The following CPSF4L variants were observed in gnomAD, a reference collection of about 807,000 sequenced individuals.
CPSF4L encodes the protein putative cleavage and polyadenylation specificity factor subunit 4-like protein.
CPSF4L carries 18 observed loss-of-function variants against 24.0 expected under a neutral mutation model. That is an observed-to-expected ratio of 0.75 (90% CI 0.52 to 1.11). The LOEUF (loss-of-function observed/expected upper bound fraction) is 1.11. CPSF4L is among the 50% of genes least tolerant of loss of function. The probability of loss-of-function intolerance (pLI) is 0.00; values close to 1 mark genes in which losing one functional copy is unlikely to be tolerated. For missense variants in CPSF4L, 211 were observed against 221.8 expected (o/e 0.95, Z 0.31); for synonymous variants, 72 against 77.2 (o/e 0.93, Z 0.35).
At chr17:73,255,862 G>A (rs1301533298) in intron 3 of CPSF4L, among the ~76,000 whole-genome samples, 1 of 152,162 alleles carries the variant, frequency 6.6e-6, no homozygotes, top group East Asian at 1.9e-4. Context: ...CTGGCCAGCA[G>A]GTGGCAGCAG....
chr17:73,257,444 T>C (rs1224245371), intron 3 of CPSF4L, among the ~76,000 whole-genome samples: 1 of 151,044 alleles, frequency 6.6e-6, no homozygotes, highest in African/African-American at 2.4e-5. Flanking sequence ...TTCTTCCCTT[T>C]TGGGGGTATC....
chr17:73,256,784 A>G (rs1244057160), intron 3 of CPSF4L, among the ~76,000 whole-genome samples: 1 of 152,168 alleles, frequency 6.6e-6, no homozygotes, highest in Admixed American at 6.6e-5. Flanking sequence ...CCCAGCACTT[A>G]GGGAGGCCAA....
chr17:73,254,074 C>T, intron 3 of CPSF4L, 48 bp from the exon 4 acceptor site: 2 of 1,423,494 alleles, frequency 1.4e-6, no homozygotes, highest in East Asian at 2.5e-5. Flanking sequence ...TTTGTGATCA[C>T]TTCTGTGTCC....
At chr17:73,256,432 C>T (rs1216782367) in intron 3 of CPSF4L, among the ~76,000 whole-genome samples, 1 of 152,222 alleles carries the variant, frequency 6.6e-6, no homozygotes, top group Non-Finnish European at 1.5e-5. Flanking sequence ...CCCATTGGCA[C>T]TAATGAGGAG....
downstream of CPSF4L, chr17:73,245,308 G>A: frequency 4.3e-6 from 6 of 1,410,096 alleles, no homozygotes; most frequent in South Asian, 1.6e-5. Flanking sequence ...AGAGGGGAGT[G>A]AAAAAAATAA....
intron 5 of CPSF4L, among the ~76,000 whole-genome samples, chr17:73,251,721 T>C (rs1362721697): frequency 1.3e-5 from 2 of 152,236 alleles, no homozygotes; most frequent in Admixed American, 1.3e-4. Flanking sequence ...TCTTAGCCCC[T>C]CGCCTGTACA....
chr17:73,256,334 G>A (rs1355842914), intron 3 of CPSF4L, among the ~76,000 whole-genome samples: 1 of 152,250 alleles, frequency 6.6e-6, no homozygotes, highest in Non-Finnish European at 1.5e-5. Flanking sequence ...TGCCTCCCAG[G>A]AGCAGGCAGG....
intron 5 of CPSF4L, among the ~76,000 whole-genome samples, chr17:73,249,596 C>A (rs955568358): frequency 6.6e-6 from 1 of 152,176 alleles, no homozygotes; most frequent in South Asian, 2.1e-4. Context: ...CTTCCTCACA[C>A]ATCCCATTGC....
At chr17:73,260,430 G>C (rs968073095) in intron 2 of CPSF4L, among the ~76,000 whole-genome samples, 2 of 152,122 alleles carry the variant, frequency 1.3e-5, no homozygotes. Flanking sequence ...CAGGCTGCTC[G>C]GTGGATCCAA....
intron 3 of CPSF4L, among the ~76,000 whole-genome samples, chr17:73,255,713 C>T (rs960175564): frequency 6.6e-6 from 1 of 152,156 alleles, no homozygotes; most frequent in South Asian, 2.1e-4. Flanking sequence ...AGAGTGCTGA[C>T]TCTGGGCTTG....
At chr17:73,261,083 C>A in intron 1 of CPSF4L, 100 bp from the exon 2 acceptor site, 1 of 963,248 alleles carries the variant, frequency 1.0e-6, no homozygotes, top group Admixed American at 2.1e-5. Context: ...AGACCTCCCC[C>A]AGGCTCTGGC....
downstream of CPSF4L, chr17:73,247,187 A>G: frequency 6.5e-7 from 1 of 1,537,234 alleles, no homozygotes; most frequent in East Asian, 2.2e-5. Context: ...AGTAGTTGCG[A>G]CAGAAACCAT....
chr17:73,262,996 C>G (rs903070155), upstream of CPSF4L, among the ~76,000 whole-genome samples: 5 of 152,136 alleles, frequency 3.3e-5, no homozygotes, highest in Non-Finnish European at 1.5e-5. Context: ...CTGGGAGGAG[C>G]AGGGACGAGA....
chr17:73,247,256 C>G, downstream of CPSF4L: 2 of 1,614,126 alleles, frequency 1.2e-6, no homozygotes, highest in Non-Finnish European at 1.7e-6. Flanking sequence ...TTGTGCCGAC[C>G]CCTGCCCTGG....
chr17:73,242,537 A>G, the CPSF4L span, among the ~76,000 whole-genome samples: 14 of 152,192 alleles, frequency 9.2e-5, no homozygotes, highest in South Asian at 6.2e-4. Context: ...ACCAAAGCTA[A>G]TAACAGCTAC....
At chr17:73,245,546 C>T (rs969118570), downstream of CPSF4L, 1 of 985,352 alleles carries the variant, frequency 1.0e-6, no homozygotes, top group Non-Finnish European at 1.2e-6. Flanking sequence ...GCTAGTATCT[C>T]ATTACCATTC....
At chr17:73,242,859 G>C in the CPSF4L span, 3 of 1,558,526 alleles carry the variant, frequency 1.9e-6, no homozygotes, top group Admixed American at 3.6e-5. Context: ...CCTAGTTTCA[G>C]TTGCTGTAAC....
chr17:73,257,719 A>G lies in CPSF4L; in HGVS notation c.269T>C (p.Leu90Pro). ...DHCKFLHQYD[L>P]TRMPECYFYS... ...GAAGTAGCACTCAGGCATCCTGGTG[A>G]GGTCATACTGGTGCAGGAACTTGCA... The change falls in exon 3 of 6, where the codon CTC becomes CCC. Residue 90 changes from leucine to proline, a missense_variant. By Grantham distance (98) the Leu-to-Pro change is moderately conservative. Transcript: ENST00000344935. 2 of 1,551,666 alleles carry G rather than the reference A, an allele frequency of 1.3e-6. No homozygotes were observed. The highest frequency in any genetic ancestry group is 1.7e-6 in the Non-Finnish European group (2 of 1,146,998).
In CPSF4L at chr17:73,252,684, C is replaced by A. The variant is rs1206497405; in HGVS notation, c.443G>T (p.Cys148Phe). The A allele has an allele frequency of 4.5e-6, 7 of 1,551,436 alleles. No homozygotes were observed. In the South Asian group the frequency reaches 7.1e-5, roughly 16 times the overall value. Residue 148 changes from cysteine to phenylalanine, a missense_variant, in exon 5 of 6, where the codon TGT becomes TTT. Cys to Phe is a radical substitution (Grantham distance 205). Transcript: ENST00000344935. Reference sequence around the variant, plus strand: ...GCAGAAGCCAACTAAATAGTTGAGACACATTATTCTGGGGACATGGCGGTA... The same window carrying A: ...GCAGAAGCCAACTAAATAGTTGAGAAACATTATTCTGGGGACATGGCGGTA... Reference protein sequence around the residue: ...CKYRHVPRIMCLNYLVGFCPE... With the variant: ...CKYRHVPRIMFLNYLVGFCPE...
Sources: gnomAD v4.1 joint callset for allele counts (sites outside exome capture counted in the v4.1 genomes callset) on GRCh38, gnomAD v4.1.1 for gene constraint, MANE v1.5 for transcripts, NCBI Gene and HGNC (gene_info 2026-07-23, HGNC 2026-07-21) for gene names.